The following PER2 variants were observed in gnomAD, a reference collection of about 807,000 sequenced individuals.
PER2 encodes period circadian protein homolog 2.
A neutral mutation model predicts 121.0 loss-of-function variants in PER2; 66 were observed. The observed-to-expected ratio is 0.55, with a 90% CI of 0.45 to 0.67. PER2 has a LOEUF of 0.67. Ranked by LOEUF, PER2 falls within the 30% of genes least tolerant of loss-of-function variation. PER2 has a pLI of 0.00. For missense variants in PER2, 1,521 were observed against 1,635.0 expected (o/e 0.93, Z 1.20); for synonymous variants, 684 against 659.9 (o/e 1.04, Z -0.56).
chr2:238,272,820 T>C (rs982088910), intron 5 of PER2, among the ~76,000 whole-genome samples: 2 of 152,162 alleles, frequency 1.3e-5, no homozygotes, highest in Non-Finnish European at 2.9e-5. Flanking sequence ...GGGTTTGCCC[T>C]TGCACCCATG....
chr2:238,261,961 GGCT>G, intron 11 of PER2, 124 bp from the exon 12 acceptor site: 1 of 757,760 alleles, frequency 1.3e-6, no homozygotes, highest in South Asian at 1.7e-5. Flanking sequence ...CAGCCCCCCA[GGCT>G]GCTGCCTGTC....
chr2:238,256,043 G>T, intron 17 of PER2, 132 bp from the exon 18 acceptor site: 1 of 1,143,322 alleles, frequency 8.7e-7, no homozygotes, highest in Non-Finnish European at 1.3e-6. Context: ...ATGAGGATGA[G>T]ACTCACAGCG....
chr2:238,298,024 T>C, the PER2 span, among the ~76,000 whole-genome samples: 2 of 133,428 alleles, frequency 1.5e-5, no homozygotes, highest in South Asian at 5.0e-4. Context: ...CCAATAAAGC[T>C]TTTGTTCTTT....
intron 22 of PER2, among the ~76,000 whole-genome samples, chr2:238,246,822 G>C (rs1340620416): frequency 6.6e-6 from 1 of 152,224 alleles, no homozygotes; most frequent in Admixed American, 6.5e-5. Context: ...CTTGCAGTGA[G>C]CGGAGATCAC....
chr2:238,295,916 C>A, the PER2 span: 1 of 222,652 alleles, frequency 4.5e-6, no homozygotes, highest in South Asian at 4.9e-5. Context: ...GAACTCTTTG[C>A]AAGCACGGAT....
At chr2:238,280,048 G>A (rs1696583995) in intron 1 of PER2, among the ~76,000 whole-genome samples, 1 of 152,186 alleles carries the variant, frequency 6.6e-6, no homozygotes, top group Non-Finnish European at 1.5e-5. Flanking sequence ...GAAATCCTGT[G>A]GGAAGGAGAG....
intron 14 of PER2, among the ~76,000 whole-genome samples, chr2:238,259,470 G>A (rs1470667276): frequency 6.6e-6 from 1 of 152,208 alleles, no homozygotes; most frequent in East Asian, 1.9e-4. Context: ...AGTGGGGGTG[G>A]GTCGGCAGCC....
chr2:238,289,283 A>G (rs1696897918), upstream of PER2: 1 of 152,156 alleles, frequency 6.6e-6, no homozygotes, highest in African/African-American at 2.4e-5. Context: ...ACGCATTCAC[A>G]TTCATTCATT....
At position 238,275,900 on chromosome 2, in the gene PER2, G is replaced by A; in HGVS notation, c.294-3C>T. On this transcript the variant is annotated splice_region_variant and splice_polypyrimidine_tract_variant and intron_variant, in intron 3 of 22. Coordinates refer to ENST00000254657, the MANE Select transcript of PER2 (RefSeq NM_022817.3). ...CCACTTTCGAAGACTGGTCGCTACTGCAGGATTCAAGAAAGAGGCAGCCAA... is the reference window on the plus strand; with the variant it reads ...CCACTTTCGAAGACTGGTCGCTACTACAGGATTCAAGAAAGAGGCAGCCAA... 11 of 1,614,196 alleles carry A rather than the reference G, an allele frequency of 6.8e-6. No homozygotes were observed. Among genetic ancestry groups the A allele is most frequent in the Non-Finnish European group, 9.3e-6 (11 of 1,179,982 alleles).
In PER2 at chr2:238,245,591, A is replaced by C. The variant is rs1283552800; in HGVS notation, c.*784T>G. On this transcript the variant is annotated 3_prime_UTR_variant, in exon 23 of 23. Transcript: ENST00000254657. ...TCACCATAAAGAGATGACTGATGAC[A>C]TATTTTAATCTCCATATTGGCCATC... 1 of 398,546 alleles carries C rather than the reference A, an allele frequency of 2.5e-6. No individual in the cohort carries two copies. Among genetic ancestry groups the C allele is most frequent in the East Asian group, 3.6e-5 (1 of 28,088 alleles). The allele number at this position is 398,546 out of a possible 1,614,324, so 24.7% of individuals were successfully genotyped here.
In PER2 at chr2:238,288,594, C is replaced by T. The variant is rs976277825; in HGVS notation, c.-265G>A. 3 of 151,464 alleles carry T rather than the reference C, an allele frequency of 2.0e-5. No individual in the cohort carries two copies. The highest frequency in any genetic ancestry group is 7.2e-5 in the African/African-American group (3 of 41,430). 9.4% of individuals were successfully genotyped at this position (151,464 alleles called of 1,614,324 possible). A position where few individuals can be genotyped will look rare whatever the true frequency, so the allele number is the denominator to read the frequency against. ...GACCCCGACCTGCCCGAGGCCCGCG[C>T]GCCGGCGGCGGTTACGTAAGCCGCA... On this transcript the variant is annotated 5_prime_UTR_variant, in exon 1 of 23. Transcript: ENST00000254657.
At position 238,256,934 on chromosome 2, in the gene PER2, G is replaced by A; in HGVS notation, c.2053C>T (p.Gln685Ter). The change falls in exon 17 of 23, where the codon CAG becomes TAG. Residue 685 changes from glutamine (Q) to a stop codon, truncating the protein, a stop_gained. Transcript: ENST00000254657. LOFTEE classifies it high-confidence loss of function. Reference protein sequence around the residue: ...TIVHVGDKKPQPELEMVEDAA... With the variant: ...TIVHVGDKKP ...CCCATAGTCATACCTAACTCCGGCTGCGGCTTCTTGTCTCCCACATGGACG... is the reference window on the plus strand; with the variant it reads ...CCCATAGTCATACCTAACTCCGGCTACGGCTTCTTGTCTCCCACATGGACG... The A allele has an allele frequency of 6.2e-7, 1 of 1,614,090 alleles. No homozygotes were observed. The highest frequency in any genetic ancestry group is 1.1e-5 in the South Asian group (1 of 91,086).
rs148815428 is a variant in PER2, at chr2:238,274,819, A to G, written c.448+924T>C. Among the ~76,000 whole-genome samples the G allele has an allele frequency of 3.3e-5, 5 of 152,276 alleles. No individual in the cohort carries two copies. The East Asian group carries it at 9.7e-4, about 29-fold the overall frequency. ...TGTTCTGTCTGTATCAACCCTCACA[A>G]AATGGACAGTGGGATTAGGGAGGAG... On this transcript the variant is annotated intron_variant, in intron 4 of 22. Coordinates refer to ENST00000254657, the MANE Select transcript of PER2 (RefSeq NM_022817.3).
intron 13 of PER2, 53 bp from the exon 14 acceptor site, chr2:238,260,106 T>C: frequency 6.3e-6 from 5 of 789,816 alleles, no homozygotes; most frequent in South Asian, 5.9e-5. Context: ...CCTCCTTCAG[T>C]CTGTCCGGCA....
intron 12 of PER2, chr2:238,261,501 G>A: frequency 1.7e-6 from 1 of 590,208 alleles, no homozygotes; most frequent in Non-Finnish European, 3.1e-6. Flanking sequence ...CTCACTCAGG[G>A]CTGCAGTTCA....
upstream of PER2, among the ~76,000 whole-genome samples, chr2:238,290,308 C>A (rs1049361245): frequency 6.6e-6 from 1 of 151,890 alleles, no homozygotes; most frequent in South Asian, 2.1e-4. Flanking sequence ...CTAACACATA[C>A]ACACACAAAT....
At position 238,266,682 on chromosome 2, in the gene PER2, C is replaced by G. The variant is rs369486876; in HGVS notation, c.968-1092G>C. ...GGAAAAGAACATTCTGTAATACACGCAGGAACACAAAAAACATTGCAGAGA... is the reference window on the plus strand; with the variant it reads ...GGAAAAGAACATTCTGTAATACACGGAGGAACACAAAAAACATTGCAGAGA... On this transcript the variant is annotated intron_variant, in intron 8 of 22. Coordinates refer to ENST00000254657, the MANE Select transcript of PER2 (RefSeq NM_022817.3). Among the ~76,000 whole-genome samples the G allele has an allele frequency of 8.6e-4, 131 of 152,286 alleles. 1 individual carries two copies. The highest frequency in any genetic ancestry group is 3.0e-3 in the African/African-American group (125 of 41,566).
chr2:238,262,464 ACTT>A, intron 10 of PER2, 120 bp from the exon 11 acceptor site: 1 of 908,756 alleles, frequency 1.1e-6, no homozygotes, highest in Middle Eastern at 2.3e-4. Context: ...GGGTATGAAC[ACTT>A]CTTCAAAGCC....
At position 238,265,507 on chromosome 2, in the gene PER2, C is replaced by G; in HGVS notation, c.1046+5G>C. ...TGAAAAAGGGGGTGGGTCAAGACCA[C>G]GTACCTTTCATCCACATCCTGGAAC... is the stretch of plus-strand genomic sequence containing the variant. On this transcript the variant is annotated splice_donor_5th_base_variant and intron_variant, in intron 9 of 22. Coordinates refer to ENST00000254657, the MANE Select transcript of PER2 (RefSeq NM_022817.3). 6.3e-7 allele frequency: 1 copy of G among 1,595,024 alleles called. No homozygotes were observed. Among genetic ancestry groups the G allele is most frequent in the Non-Finnish European group, 8.6e-7 (1 of 1,162,584 alleles).
Sources: allele counts gnomAD v4.1 joint callset (sites outside exome capture counted in the v4.1 genomes callset), GRCh38; gene constraint gnomAD v4.1.1; transcripts MANE v1.5; gene names NCBI Gene and HGNC (gene_info 2026-07-23, HGNC 2026-07-21).